PLCH1: variants seen among roughly 807,000 people sequenced by gnomAD.
The protein encoded by PLCH1 is phospholipase C eta 1.
PLCH1 carries 60 observed loss-of-function variants against 126.7 expected under a neutral mutation model. The observed-to-expected ratio is 0.47, with a 90% CI of 0.38 to 0.59. PLCH1 has a LOEUF of 0.59. PLCH1 is among the 20% of genes least tolerant of loss of function. The pLI, the probability that PLCH1 is intolerant of heterozygous loss-of-function variation, is 0.00. For synonymous variants in PLCH1, 719 were observed against 734.9 expected (o/e 0.98, Z 0.35); for missense variants, 1,723 against 2,040.0 (o/e 0.84, Z 2.99).
chr3:155,610,798 C>T (rs1734978124), intron 2 of PLCH1, among the ~76,000 whole-genome samples: 3 of 150,536 alleles, frequency 2.0e-5, no homozygotes, highest in Non-Finnish European at 1.5e-5. Flanking sequence ...AAAAAAACAA[C>T]ACAATTAAAA....
chr3:155,556,402 C>T (rs190357837), intron 8 of PLCH1, among the ~76,000 whole-genome samples: 39 of 152,230 alleles, frequency 2.6e-4, no homozygotes, highest in Non-Finnish European at 4.6e-4. Flanking sequence ...AGTTGTGAAC[C>T]ACATATGTTC....
intron 2 of PLCH1, among the ~76,000 whole-genome samples, chr3:155,608,190 C>T (rs1428418775): frequency 1.3e-5 from 2 of 152,146 alleles, no homozygotes; most frequent in Non-Finnish European, 2.9e-5. Flanking sequence ...CTAGGGAAGC[C>T]ATTCTTGACT....
chr3:155,475,091 CA>C (rs781764772), downstream of PLCH1, among the ~76,000 whole-genome samples: 604 of 145,514 alleles, frequency 4.2e-3, 8 homozygotes, highest in South Asian at 0.053. Flanking sequence ...AAAAAAAAGA[CA>C]AAAAAATGGA....
At chr3:155,705,472 T>C (rs1746593066) in intron 1 of PLCH1, among the ~76,000 whole-genome samples, 1 of 152,112 alleles carries the variant, frequency 6.6e-6, no homozygotes, top group Non-Finnish European at 1.5e-5. Context: ...CTTACTACTG[T>C]ATGGAACTGA....
At chr3:155,532,851 G>A (rs961856389) in intron 10 of PLCH1, among the ~76,000 whole-genome samples, 8 of 152,152 alleles carry the variant, frequency 5.3e-5, no homozygotes, top group South Asian at 2.1e-4. Flanking sequence ...GCAGAGAGTC[G>A]GGTACTGCTA....
At chr3:155,522,159 C>G (rs1159329024) in intron 11 of PLCH1, among the ~76,000 whole-genome samples, 2 of 151,504 alleles carry the variant, frequency 1.3e-5, no homozygotes, top group Non-Finnish European at 2.9e-5. Flanking sequence ...GGCTGGCAAC[C>G]AAGAGATCTA....
chr3:155,538,736 G>A (rs1315051304), intron 10 of PLCH1, among the ~76,000 whole-genome samples: 1 of 151,834 alleles, frequency 6.6e-6, no homozygotes, highest in Non-Finnish European at 1.5e-5. Flanking sequence ...ACAACAAGCA[G>A]TCCGACTGAA....
chr3:155,556,429 C>T (rs2108478387), intron 8 of PLCH1, among the ~76,000 whole-genome samples: 1 of 152,282 alleles, frequency 6.6e-6, no homozygotes, highest in East Asian at 1.9e-4. Flanking sequence ...TTAGTAGCAC[C>T]TTCCCCTATA....
At chr3:155,640,948 A>G (rs16825199) in intron 2 of PLCH1, among the ~76,000 whole-genome samples, 341 of 152,260 alleles carry the variant, frequency 2.2e-3, no homozygotes, top group African/African-American at 7.8e-3. Context: ...ATAACATAAC[A>G]TTTGTGGTAG....
intron 2 of PLCH1, among the ~76,000 whole-genome samples, chr3:155,643,989 G>A (rs1739711264): frequency 6.6e-6 from 1 of 152,092 alleles, no homozygotes; most frequent in African/African-American, 2.4e-5. Flanking sequence ...TGAAATGCAG[G>A]CCCAGAAAAG....
chr3:155,581,368 C>T lies in PLCH1; in HGVS notation c.771+2104G>A, dbSNP rs76125761. ...CATGAATGTTCACAGCAGCGTTATTCGTAACAGCCCCCAAAAAGCAAATGA... is the reference window on the plus strand; with the variant it reads ...CATGAATGTTCACAGCAGCGTTATTTGTAACAGCCCCCAAAAAGCAAATGA... On this transcript the variant is annotated intron_variant, in intron 6 of 22. Transcript: ENST00000460012. Among the ~76,000 whole-genome samples, 196 of 152,270 alleles carry T rather than the reference C, an allele frequency of 1.3e-3. 1 individual carries two copies. The highest frequency in any genetic ancestry group is 4.5e-3 in the African/African-American group (188 of 41,558).
intron 1 of PLCH1, among the ~76,000 whole-genome samples, chr3:155,709,456 A>G (rs1231737197): frequency 1.3e-5 from 2 of 152,198 alleles, no homozygotes; most frequent in Non-Finnish European, 2.9e-5. Context: ...ATTTGGTGTT[A>G]CAAGTGTTCT....
At chr3:155,501,893 A>G (rs1379893345) in intron 13 of PLCH1, among the ~76,000 whole-genome samples, 1 of 152,216 alleles carries the variant, frequency 6.6e-6, no homozygotes, top group East Asian at 1.9e-4. Context: ...AAACAAAGGT[A>G]AGATGTTTAG....
chr3:155,634,361 A>G (rs1191002389), intron 2 of PLCH1, among the ~76,000 whole-genome samples: 1 of 152,150 alleles, frequency 6.6e-6, no homozygotes, highest in African/African-American at 2.4e-5. Flanking sequence ...ATGAGGAATA[A>G]GCATTGCGCA....
chr3:155,727,384 C>T (rs965696938), intron 1 of PLCH1, among the ~76,000 whole-genome samples: 16 of 139,416 alleles, frequency 1.1e-4, no homozygotes, highest in African/African-American at 3.8e-4. Flanking sequence ...TTCCAATGTA[C>T]GAAATCCTTT....
At chr3:155,581,667 C>T (rs886884412) in intron 6 of PLCH1, among the ~76,000 whole-genome samples, 3 of 151,468 alleles carry the variant, frequency 2.0e-5, no homozygotes, top group African/African-American at 2.4e-5. Context: ...AGAATAATTG[C>T]TAATAGGTTT....
chr3:155,491,736 G>A (rs1188738660), intron 18 of PLCH1, among the ~76,000 whole-genome samples: 1 of 152,184 alleles, frequency 6.6e-6, no homozygotes, highest in Non-Finnish European at 1.5e-5. Flanking sequence ...TGTTTGCTAT[G>A]AGAGGCAGTG....
chr3:155,724,688 A>T (rs1159490953), intron 1 of PLCH1, among the ~76,000 whole-genome samples: 2 of 152,184 alleles, frequency 1.3e-5, no homozygotes, highest in Non-Finnish European at 2.9e-5. Flanking sequence ...GTGAATTCTT[A>T]TCATTCTGCC....
chr3:155,524,944 G>A (rs572258473), intron 10 of PLCH1, among the ~76,000 whole-genome samples: 205 of 152,280 alleles, frequency 1.3e-3, no homozygotes, highest in African/African-American at 4.5e-3. Flanking sequence ...TTGAGTCCAG[G>A]AGGTTGAGGC....
Sources: allele counts gnomAD v4.1 joint callset (sites outside exome capture counted in the v4.1 genomes callset), GRCh38; gene constraint gnomAD v4.1.1; transcripts MANE v1.5; gene names NCBI Gene and HGNC (gene_info 2026-07-23, HGNC 2026-07-21).